Variants in PTPRD observed in about 807,000 individuals in gnomAD.
PTPRD encodes receptor-type tyrosine-protein phosphatase delta.
PTPRD carries 34 observed loss-of-function variants against 214.5 expected under a neutral mutation model. The observed-to-expected ratio is 0.16, with a 90% CI of 0.12 to 0.21. The LOEUF is 0.21. Among genes scored for constraint, PTPRD ranks in the 10% least tolerant of loss-of-function variants. PTPRD has a pLI of 1.00. For missense variants in PTPRD, 2,545 were observed against 2,398.7 expected, an observed-to-expected ratio of 1.06 and a Z score of -1.27; for synonymous variants, 1,128 against 845.7, an observed-to-expected ratio of 1.33 and a Z score of -5.79.
chr9:9,970,309 G>T (rs1360012063), intron 4 of PTPRD, among the ~76,000 whole-genome samples: 2 of 151,724 alleles, frequency 1.3e-5, no homozygotes, highest in African/African-American at 4.8e-5. Context: ...CATTAGCCGG[G>T]CGTGGTGGCA....
At chr9:10,011,302 G>A (rs1012859245) in intron 4 of PTPRD, among the ~76,000 whole-genome samples, 2 of 151,884 alleles carry the variant, frequency 1.3e-5, no homozygotes, top group African/African-American at 4.8e-5. Context: ...GGGTTGGATT[G>A]AATTTAGTTA....
At chr9:9,543,525 G>T (rs917290307) in intron 8 of PTPRD, among the ~76,000 whole-genome samples, 1 of 151,166 alleles carries the variant, frequency 6.6e-6, no homozygotes, top group Admixed American at 6.6e-5. Flanking sequence ...AATTTTAATT[G>T]ACTTAAGATT....
chr9:10,220,633 GC>G (rs1301953239), intron 3 of PTPRD, among the ~76,000 whole-genome samples: 1 of 151,830 alleles, frequency 6.6e-6, no homozygotes, highest in African/African-American at 2.4e-5. Flanking sequence ...TCTTGCACCT[GC>G]CTAAGAGACA....
At chr9:10,483,715 C>G (rs1163787052) in intron 2 of PTPRD, among the ~76,000 whole-genome samples, 2 of 152,028 alleles carry the variant, frequency 1.3e-5, no homozygotes, top group South Asian at 2.1e-4. Flanking sequence ...CAAATTAAAA[C>G]TGCAATGAGA....
At chr9:8,443,732 A>C (rs2095626264) in intron 34 of PTPRD, among the ~76,000 whole-genome samples, 1 of 152,134 alleles carries the variant, frequency 6.6e-6, no homozygotes, top group African/African-American at 2.4e-5. Context: ...TTTAATATTG[A>C]ATATGCAGGC....
intron 14 of PTPRD, among the ~76,000 whole-genome samples, chr9:8,611,577 C>A (rs2095446490): frequency 6.6e-6 from 1 of 151,906 alleles, no homozygotes; most frequent in Non-Finnish European, 1.5e-5. Context: ...TGGTGGTGTG[C>A]ACCTGTATTC....
At chr9:9,040,353 T>C (rs181774396) in intron 10 of PTPRD, among the ~76,000 whole-genome samples, 4 of 152,330 alleles carry the variant, frequency 2.6e-5, no homozygotes, top group African/African-American at 4.8e-5. Context: ...CAACACCATA[T>C]GCCTTGGTCT....
intron 5 of PTPRD, among the ~76,000 whole-genome samples, chr9:9,908,311 T>G (rs563335893): frequency 2.7e-4 from 41 of 152,014 alleles, no homozygotes; most frequent in Non-Finnish European, 5.0e-4. Context: ...TATCAATAGC[T>G]GGTATAAAGG....
chr9:9,611,286 G>A (rs56272077), intron 7 of PTPRD, among the ~76,000 whole-genome samples: 37,649 of 151,902 alleles, frequency 0.25, 4,903 homozygotes, highest in Non-Finnish European at 0.28. Flanking sequence ...ATCAAAATAC[G>A]CAAATGATTT....
At chr9:10,527,274 G>A (rs2054592224) in intron 2 of PTPRD, among the ~76,000 whole-genome samples, 1 of 152,086 alleles carries the variant, frequency 6.6e-6, no homozygotes, top group African/African-American at 2.4e-5. Flanking sequence ...GGGCATTCAT[G>A]ACTCAGTTTA....
At chr9:10,512,745 A>T (rs2048725008) in intron 2 of PTPRD, among the ~76,000 whole-genome samples, 1 of 152,134 alleles carries the variant, frequency 6.6e-6, no homozygotes, top group African/African-American at 2.4e-5. Flanking sequence ...AAGCTACCTA[A>T]TAAAAATCAC....
intron 10 of PTPRD, among the ~76,000 whole-genome samples, chr9:9,050,276 G>A (rs1183885425): frequency 6.6e-6 from 1 of 152,170 alleles, no homozygotes; most frequent in Non-Finnish European, 1.5e-5. Flanking sequence ...AACTAGTCAT[G>A]ACACTGAAAA....
chr9:10,454,587 C>T (rs570189273), intron 2 of PTPRD, among the ~76,000 whole-genome samples: 1 of 151,772 alleles, frequency 6.6e-6, no homozygotes, highest in South Asian at 2.1e-4. Flanking sequence ...AATCATTCTT[C>T]CACCTTAAAC....
At chr9:8,326,421 G>A (rs1339362131) in intron 44 of PTPRD, among the ~76,000 whole-genome samples, 5 of 151,984 alleles carry the variant, frequency 3.3e-5, no homozygotes, top group Admixed American at 2.0e-4. Flanking sequence ...GGATGAAGCC[G>A]ACTTGATCGT....
intron 43 of PTPRD, among the ~76,000 whole-genome samples, chr9:8,336,338 A>T (rs10976970): frequency 0.45 from 66,921 of 148,096 alleles, 17,658 homozygotes; most frequent in Non-Finnish European, 0.59. Context: ...CTGAGGGAAA[A>T]CAAGAATGGG....
intron 11 of PTPRD, among the ~76,000 whole-genome samples, chr9:8,901,644 T>C (rs527548817): frequency 4.3e-4 from 66 of 152,288 alleles, no homozygotes; most frequent in African/African-American, 1.5e-3. Context: ...ACTTAGCTGT[T>C]CCCCTTCTTT....
At chr9:9,769,347 A>C (rs1360147868) in intron 5 of PTPRD, among the ~76,000 whole-genome samples, 1 of 46,062 alleles carries the variant, frequency 2.2e-5, no homozygotes, top group African/African-American at 9.0e-5. Flanking sequence ...TTTTTTTGAG[A>C]TGGAGTCTCA....
intron 7 of PTPRD, among the ~76,000 whole-genome samples, chr9:9,721,505 T>G (rs1564765258): frequency 6.6e-6 from 1 of 152,154 alleles, no homozygotes; most frequent in East Asian, 1.9e-4. Flanking sequence ...TTGACCTATT[T>G]TCCACTATGA....
intron 3 of PTPRD, among the ~76,000 whole-genome samples, chr9:10,070,300 AC>A (rs2097977367): frequency 6.6e-6 from 1 of 152,060 alleles, no homozygotes. Context: ...AATTACTTAA[AC>A]AGTATTCAAA....
Sources: allele counts gnomAD v4.1 joint callset (sites outside exome capture counted in the v4.1 genomes callset), GRCh38; gene constraint gnomAD v4.1.1; transcripts MANE v1.5; gene names NCBI Gene and HGNC (gene_info 2026-07-23, HGNC 2026-07-21).